Variants in NCK2 observed in about 807,000 individuals in gnomAD.
The protein encoded by NCK2 is cytoplasmic protein NCK2.
In NCK2, 16 loss-of-function variants were observed where a neutral mutation model predicts 33.9. The observed-to-expected ratio is 0.47, with a 90% CI of 0.32 to 0.72. NCK2 has a LOEUF of 0.72. NCK2 is among the 30% of genes least tolerant of loss of function. NCK2 has a pLI of 0.03. For synonymous variants in NCK2, 273 were observed against 239.9 expected, an observed-to-expected ratio of 1.14 and a Z score of -1.27; for missense variants, 418 against 537.3, an observed-to-expected ratio of 0.78 and a Z score of 2.19.
intron 4 of NCK2, among the ~76,000 whole-genome samples, chr2:105,891,368 C>T (rs1678968957): frequency 6.6e-6 from 1 of 151,958 alleles, no homozygotes; most frequent in Non-Finnish European, 1.5e-5. Context: ...ATATGTCCTG[C>T]ATGCACACAC....
rs551627491 is a variant in NCK2, at chr2:105,893,271, C to T, written c.*95C>T. 28 of 1,225,320 alleles carry T rather than the reference C, an allele frequency of 2.3e-5. No homozygotes were observed. In the African/African-American group the frequency reaches 3.7e-4, roughly 16 times the overall value. 75.9% of individuals were successfully genotyped at this position (1,225,320 alleles called of 1,614,324 possible). ...GCTCCTCCCGCGGGGACGGCCCCGA[C>T]GGCTTCTCTGCGAGTCTCTCTTTAT... is the stretch of plus-strand genomic sequence containing the variant. On this transcript the variant is annotated 3_prime_UTR_variant, in exon 5 of 5. Coordinates refer to ENST00000233154, the MANE Select transcript of NCK2 (RefSeq NM_003581.5).
At chr2:105,814,686 G>A (rs551941112) in intron 1 of NCK2, among the ~76,000 whole-genome samples, 4 of 152,296 alleles carry the variant, frequency 2.6e-5, no homozygotes, top group Admixed American at 2.0e-4. Flanking sequence ...CTCTCCAGTC[G>A]GTTGGGAAAA....
intron 1 of NCK2, among the ~76,000 whole-genome samples, chr2:105,758,990 C>T (rs956541479): frequency 1.5e-4 from 23 of 152,282 alleles, no homozygotes; most frequent in African/African-American, 5.1e-4. Context: ...CTTTTGGTGA[C>T]ATGGATTAAA....
chr2:105,747,789 G>T lies in NCK2; in HGVS notation c.-201+2651G>T, dbSNP rs142363486. Among the ~76,000 whole-genome samples the T allele has an allele frequency of 2.7e-3, 410 of 152,292 alleles. 3 individuals are homozygous for T. The highest frequency in any genetic ancestry group is 9.6e-3 in the African/African-American group (397 of 41,548). On this transcript the variant is annotated intron_variant, in intron 1 of 4. Coordinates refer to ENST00000233154, the MANE Select transcript of NCK2 (RefSeq NM_003581.5). ...ATACTTCACGGCACGTTTTCAAAGG[G>T]CCTAAGCTAAAATGTGATTTCGTGT...
chr2:105,779,847 T>A (rs1270264145), intron 1 of NCK2, among the ~76,000 whole-genome samples: 2 of 152,148 alleles, frequency 1.3e-5, no homozygotes, highest in East Asian at 3.8e-4. Flanking sequence ...ATTCCCTTAG[T>A]TATAGGAAGG....
chr2:105,884,021 T>TG (rs1678616823), intron 4 of NCK2, among the ~76,000 whole-genome samples: 1 of 152,172 alleles, frequency 6.6e-6, no homozygotes, highest in South Asian at 2.1e-4. Flanking sequence ...GATCTTGCCG[T>TG]GACACGGGCC....
chr2:105,854,090 G>C (rs1216283960), intron 2 of NCK2: 1 of 152,240 alleles, frequency 6.6e-6, no homozygotes, highest in Non-Finnish European at 1.5e-5. Flanking sequence ...AGGATAAACT[G>C]TCAGAATCAC....
At chr2:105,751,541 C>T (rs1689455913) in intron 1 of NCK2, among the ~76,000 whole-genome samples, 1 of 152,190 alleles carries the variant, frequency 6.6e-6, no homozygotes, top group Non-Finnish European at 1.5e-5. Flanking sequence ...TATCCCCTTC[C>T]CCATATACAC....
At chr2:105,785,927 T>G (rs1457274646) in intron 1 of NCK2, among the ~76,000 whole-genome samples, 4 of 152,176 alleles carry the variant, frequency 2.6e-5, no homozygotes, top group Non-Finnish European at 4.4e-5. Context: ...GAGGCCCAAA[T>G]TATTTAACTT....
intron 1 of NCK2, among the ~76,000 whole-genome samples, chr2:105,802,560 C>T (rs982128395): frequency 9.9e-5 from 15 of 152,232 alleles, no homozygotes; most frequent in African/African-American, 3.1e-4. Flanking sequence ...GATCCCATGG[C>T]GAGAACACGG....
At chr2:105,803,557 AT>A (rs1674922383) in intron 1 of NCK2, among the ~76,000 whole-genome samples, 1 of 152,198 alleles carries the variant, frequency 6.6e-6, no homozygotes, top group Admixed American at 6.5e-5. Context: ...GCAGCCTTCA[AT>A]TTCTACAGCT....
chr2:105,771,654 T>C (rs372379191), intron 1 of NCK2, among the ~76,000 whole-genome samples: 25 of 152,338 alleles, frequency 1.6e-4, no homozygotes, highest in African/African-American at 6.0e-4. Flanking sequence ...TAATGTTCTT[T>C]TCTTATCAAT....
chr2:105,891,253 CTTTT>C (rs200222338), intron 4 of NCK2, among the ~76,000 whole-genome samples: 1 of 151,788 alleles, frequency 6.6e-6, no homozygotes, highest in African/African-American at 2.4e-5. Flanking sequence ...TCATGCAACT[CTTTT>C]TTTTGTTTGT....
At chr2:105,828,641 C>T (rs1222492875) in intron 2 of NCK2, among the ~76,000 whole-genome samples, 1 of 152,220 alleles carries the variant, frequency 6.6e-6, no homozygotes, top group Non-Finnish European at 1.5e-5. Context: ...CAAGCACTAA[C>T]CCTGGGGTCA....
intron 2 of NCK2, among the ~76,000 whole-genome samples, chr2:105,817,872 G>T (rs562695433): frequency 6.6e-6 from 1 of 151,902 alleles, no homozygotes; most frequent in Admixed American, 6.6e-5. Flanking sequence ...ACAGTGTGGC[G>T]ATTCCTCAGG....
At chr2:105,869,285 G>A (rs930186597) in intron 3 of NCK2, among the ~76,000 whole-genome samples, 9 of 152,116 alleles carry the variant, frequency 5.9e-5, no homozygotes, top group Admixed American at 4.6e-4. Context: ...CCATAACAGC[G>A]AACTGGTATG....
At chr2:105,853,495 G>C (rs1677143212) in intron 2 of NCK2, among the ~76,000 whole-genome samples, 1 of 152,148 alleles carries the variant, frequency 6.6e-6, no homozygotes, top group African/African-American at 2.4e-5. Flanking sequence ...ATTGAGCAGA[G>C]TAGTTTCACA....
At position 105,881,908 on chromosome 2, in the gene NCK2, A is replaced by G. The variant is rs1678514112; in HGVS notation, c.807A>G (p.Ile269Met). 3 of 1,566,810 alleles carry G rather than the reference A, an allele frequency of 1.9e-6. No individual in the cohort carries two copies. In the East Asian group the frequency reaches 6.8e-5, roughly 35 times the overall value. The change falls in exon 4 of 5, where the codon ATA (isoleucine) becomes ATG (methionine). Residue 269 changes from isoleucine to methionine, a missense_variant. Ile to Met is a conservative substitution (Grantham distance 10). Transcript: ENST00000233154. ...PALHPAHAPQ[I>M]SYTGPSSSGR... ...TGCACCCTGCGCACGCCCCACAGATAAGCTACACCGGGCCCTCGTCCAGCG... is the reference window on the plus strand; with the variant it reads ...TGCACCCTGCGCACGCCCCACAGATGAGCTACACCGGGCCCTCGTCCAGCG...
intron 1 of NCK2, among the ~76,000 whole-genome samples, chr2:105,776,272 A>C (rs1690297560): frequency 6.6e-6 from 1 of 152,206 alleles, no homozygotes; most frequent in Admixed American, 6.5e-5. Context: ...TTTCTGTAAC[A>C]CTCAGTTTCT....
Sources: allele counts gnomAD v4.1 joint callset (sites outside exome capture counted in the v4.1 genomes callset), GRCh38; gene constraint gnomAD v4.1.1; transcripts MANE v1.5; gene names NCBI Gene and HGNC (gene_info 2026-07-23, HGNC 2026-07-21).